FASTKD1: variants seen among roughly 807,000 people sequenced by gnomAD.
FASTKD1 encodes the protein FAST kinase domains 1, also known as FAST kinase domain-containing protein 1, mitochondrial.
Under a neutral mutation model 90.9 loss-of-function variants are expected in FASTKD1, and 94 were observed. The observed-to-expected ratio is 1.03, with a 90% CI of 0.88 to 1.23. FASTKD1 has a LOEUF of 1.23. Ranked by LOEUF, FASTKD1 falls within the 50% of genes most tolerant of loss-of-function variation. The pLI, the probability that FASTKD1 is intolerant of heterozygous loss-of-function variation, is 0.00. For missense variants in FASTKD1, 945 were observed against 993.5 expected, an observed-to-expected ratio of 0.95 and a Z score of 0.66; for synonymous variants, 319 against 345.8, an observed-to-expected ratio of 0.92 and a Z score of 0.86.
chr2:169,544,821 T>C lies in FASTKD1; in HGVS notation c.1716A>G (p.Thr572=), dbSNP rs761596946. Residue 572 remains threonine (T), a synonymous_variant, in exon 9 of 15, where the codon ACA becomes ACG. Coordinates refer to ENST00000453153, the MANE Select transcript of FASTKD1 (RefSeq NM_024622.6). ...TGAATGGACGAATAATAGCAGGGAT[T>C]GTAAAAGGATGGATCTGTATAAAAA... is the stretch of plus-strand genomic sequence containing the variant. ...VQQIEKIHPF[T]IPAIIRPFSV... The C allele has an allele frequency of 7.5e-6, 12 of 1,598,704 alleles. No individual in the cohort carries two copies. In the Admixed American group the frequency reaches 1.7e-4, roughly 22 times the overall value.
At position 169,572,003 on chromosome 2, in the gene FASTKD1, C is replaced by T. The variant is rs375375924; in HGVS notation, c.27G>A (p.Glu9=). The T allele has an allele frequency of 1.6e-5, 26 of 1,582,236 alleles. No homozygotes were observed. The highest frequency in any genetic ancestry group is 2.1e-5 in the Non-Finnish European group (24 of 1,165,122). The change falls in exon 2 of 15, where the codon GAG becomes GAA. Residue 9 remains glutamate (E), a synonymous_variant. Transcript: ENST00000453153. ...GACGAAGCATATTTGTAACCAATGA[C>T]TCTAGGAAAACAGGTGTTTTTTTCA... MKKTPVFL[E]SLVTNMLRLR... is the part of the protein sequence containing the mutation.
chr2:169,531,273 C>T, intron 13 of FASTKD1, 79 bp downstream of exon 13: 1 of 1,436,828 alleles, frequency 7.0e-7, no homozygotes, highest in South Asian at 1.1e-5. Context: ...ACCTTCAATC[C>T]TTGATCACTG....
rs141488951 is a variant in FASTKD1, at chr2:169,556,265, C to G, written c.1082+922G>C. On this transcript the variant is annotated intron_variant, in intron 6 of 14. Coordinates refer to ENST00000453153, the MANE Select transcript of FASTKD1 (RefSeq NM_024622.6). ...CAGCCTGGGTAACATGGCAAAACACCATGTCTACAAAAAATACAAAAATTA... is the reference window on the plus strand; with the variant it reads ...CAGCCTGGGTAACATGGCAAAACACGATGTCTACAAAAAATACAAAAATTA... Among the ~76,000 whole-genome samples, 8 of 151,748 alleles carry G rather than the reference C, an allele frequency of 5.3e-5. No homozygotes were observed. In the East Asian group the frequency reaches 1.6e-3, roughly 29 times the overall value.
intron 4 of FASTKD1, among the ~76,000 whole-genome samples, chr2:169,561,786 T>A (rs989466090): frequency 1.9e-4 from 27 of 143,792 alleles, no homozygotes; most frequent in Non-Finnish European, 2.0e-4. Flanking sequence ...TATTTATTAA[T>A]TTATTGTAAA....
At chr2:169,553,311 A>G (rs1193377824) in intron 7 of FASTKD1, among the ~76,000 whole-genome samples, 3 of 149,842 alleles carry the variant, frequency 2.0e-5, no homozygotes, top group East Asian at 2.0e-4. Context: ...GACATAAATC[A>G]TGCCTGGGCT....
At chr2:169,547,182 G>T (rs1224270690) in intron 7 of FASTKD1, among the ~76,000 whole-genome samples, 1 of 152,182 alleles carries the variant, frequency 6.6e-6, no homozygotes, top group Non-Finnish European at 1.5e-5. Flanking sequence ...TATTATAAAT[G>T]ATATTATAAA....
chr2:169,553,077 C>T (rs1685565498), intron 7 of FASTKD1, among the ~76,000 whole-genome samples: 1 of 151,866 alleles, frequency 6.6e-6, no homozygotes, highest in African/African-American at 2.4e-5. Flanking sequence ...CATGGTGCCT[C>T]ATGCCTGTAA....
intron 7 of FASTKD1, among the ~76,000 whole-genome samples, chr2:169,548,800 A>G (rs889816159): frequency 1.3e-5 from 2 of 151,584 alleles, no homozygotes; most frequent in African/African-American, 4.8e-5. Flanking sequence ...AATCTAAATT[A>G]AAACAAAATT....
chr2:169,543,607 AAGT>A (rs1454656241), intron 9 of FASTKD1, among the ~76,000 whole-genome samples: 1 of 152,250 alleles, frequency 6.6e-6, no homozygotes. Flanking sequence ...TTATAACCTG[AAGT>A]ACACAGAGCT....
At chr2:169,547,085 G>A (rs1230320353) in intron 7 of FASTKD1, among the ~76,000 whole-genome samples, 1 of 152,210 alleles carries the variant, frequency 6.6e-6, no homozygotes, top group Non-Finnish European at 1.5e-5. Flanking sequence ...TTCAAGTTGG[G>A]TTTCCCATGA....
At chr2:169,558,603 C>T (rs1263028177) in intron 5 of FASTKD1, among the ~76,000 whole-genome samples, 3 of 152,110 alleles carry the variant, frequency 2.0e-5, no homozygotes, top group African/African-American at 7.2e-5. Flanking sequence ...GTGCCCACCA[C>T]CACGCCCGGC....
chr2:169,533,657 C>T (rs1451916406), intron 12 of FASTKD1, among the ~76,000 whole-genome samples: 1 of 152,218 alleles, frequency 6.6e-6, no homozygotes, highest in East Asian at 1.9e-4. Context: ...GAAATTGCAG[C>T]ATTGTTTGAC....
chr2:169,530,535 C>G, intron 14 of FASTKD1, 52 bp downstream of exon 14: 1 of 970,992 alleles, frequency 1.0e-6, no homozygotes, highest in Non-Finnish European at 1.6e-6. Flanking sequence ...AGCACATGTA[C>G]AGCTAGTGTC....
At chr2:169,566,856 C>T (rs1423413544) in intron 3 of FASTKD1, among the ~76,000 whole-genome samples, 1 of 152,176 alleles carries the variant, frequency 6.6e-6, no homozygotes, top group African/African-American at 2.4e-5. Flanking sequence ...GTGGCTCACA[C>T]CTGTAATCCC....
At chr2:169,547,738 A>G (rs1685266948) in intron 7 of FASTKD1, among the ~76,000 whole-genome samples, 1 of 151,884 alleles carries the variant, frequency 6.6e-6, no homozygotes, top group South Asian at 2.1e-4. Flanking sequence ...AAATTAGCTT[A>G]GCCAGGCATG....
At chr2:169,535,273 C>G (rs1454332222) in intron 12 of FASTKD1, among the ~76,000 whole-genome samples, 1 of 152,006 alleles carries the variant, frequency 6.6e-6, no homozygotes, top group East Asian at 1.9e-4. Flanking sequence ...GACTCAACTC[C>G]TGGGTTCAAG....
At chr2:169,555,056 T>A (rs1372103846) in intron 7 of FASTKD1, 68 bp downstream of exon 7, 1 of 1,468,186 alleles carries the variant, frequency 6.8e-7, no homozygotes, top group Admixed American at 2.0e-5. Context: ...CCACTGTACA[T>A]AGTTAAACAA....
rs138073323 is a variant in FASTKD1 at position 169,544,746 on chromosome 2, G to T, written c.1791C>A (p.Cys597Ter). ...CTAAGTAAGAATTAAGATGTTGCAC[G>T]CAAGTTCCCAAAAATTCATCCCTTT... ...PPQRDEFLGT[C>*]VQHLNSYLGI... Residue 597 changes from cysteine (C) to a stop codon, truncating the protein, a stop_gained, in exon 9 of 15, where the codon TGC becomes TGA. Transcript: ENST00000453153. LOFTEE classifies it high-confidence loss of function. 6.2e-7 allele frequency: 1 copy of T among 1,604,262 alleles called. No individual in the cohort carries two copies. The highest frequency in any genetic ancestry group is 1.1e-5 in the South Asian group (1 of 90,790).
At chr2:169,539,499 G>A (rs1218752448) in intron 10 of FASTKD1, among the ~76,000 whole-genome samples, 1 of 151,786 alleles carries the variant, frequency 6.6e-6, no homozygotes, top group Non-Finnish European at 1.5e-5. Context: ...CTGGGTGTGG[G>A]GGCTCACACC....
Sources: gnomAD v4.1 joint callset for allele counts (sites outside exome capture counted in the v4.1 genomes callset) on GRCh38, gnomAD v4.1.1 for gene constraint, MANE v1.5 for transcripts, NCBI Gene and HGNC (gene_info 2026-07-23, HGNC 2026-07-21) for gene names.